The following GRIN2B variants were observed in gnomAD, a reference collection of about 807,000 sequenced individuals.
The protein encoded by GRIN2B is glutamate ionotropic receptor NMDA type subunit 2B, also known as glutamate receptor ionotropic, NMDA 2B.
Under a neutral mutation model 114.5 loss-of-function variants are expected in GRIN2B, and 5 were observed. That is an observed-to-expected ratio of 0.04 (90% CI 0.02 to 0.09). GRIN2B has a LOEUF of 0.09. Ranked by LOEUF, GRIN2B falls within the 10% of genes least tolerant of loss-of-function variation. The pLI is 1.00. For synonymous variants in GRIN2B, 787 were observed against 745.1 expected (o/e 1.06, Z -0.92); for missense variants, 1,108 against 1,943.5 (o/e 0.57, Z 8.08).
chr12:13,765,783 G>C (rs554158668), intron 3 of GRIN2B, among the ~76,000 whole-genome samples: 6 of 152,196 alleles, frequency 3.9e-5, no homozygotes, highest in Non-Finnish European at 7.3e-5. Flanking sequence ...GAGACATGAA[G>C]GGTCTTGCCC....
At chr12:13,727,926 C>T (rs1418323742) in intron 4 of GRIN2B, among the ~76,000 whole-genome samples, 1 of 152,206 alleles carries the variant, frequency 6.6e-6, no homozygotes, top group Non-Finnish European at 1.5e-5. Flanking sequence ...TGCACCCCTT[C>T]TCCTGGGCAT....
chr12:13,589,167 A>G (rs1185185676), intron 10 of GRIN2B, among the ~76,000 whole-genome samples: 1 of 152,254 alleles, frequency 6.6e-6, no homozygotes, highest in Non-Finnish European at 1.5e-5. Flanking sequence ...TTAACTAGTA[A>G]CTATTCAATA....
intron 3 of GRIN2B, among the ~76,000 whole-genome samples, chr12:13,794,794 CA>C (rs1225319172): frequency 6.6e-6 from 1 of 152,252 alleles, no homozygotes; most frequent in African/African-American, 2.4e-5. Flanking sequence ...TCAGCCATGA[CA>C]ATCTAATTCA....
chr12:13,640,369 A>C (rs1426506944), intron 5 of GRIN2B, among the ~76,000 whole-genome samples: 1 of 152,196 alleles, frequency 6.6e-6, no homozygotes, highest in African/African-American at 2.4e-5. Flanking sequence ...TAGGACGTTC[A>C]TAAGTGATAG....
At chr12:13,846,733 T>C (rs1010288052) in intron 3 of GRIN2B, among the ~76,000 whole-genome samples, 4 of 152,116 alleles carry the variant, frequency 2.6e-5, no homozygotes, top group Non-Finnish European at 2.9e-5. Flanking sequence ...AGGAAACATA[T>C]TTGCGAAGGC....
chr12:13,678,201 A>G (rs1324762131), intron 4 of GRIN2B, among the ~76,000 whole-genome samples: 2 of 152,200 alleles, frequency 1.3e-5, no homozygotes, highest in Non-Finnish European at 2.9e-5. Flanking sequence ...GTTTAGGTGA[A>G]CATTGCTAAG....
intron 2 of GRIN2B, among the ~76,000 whole-genome samples, chr12:13,961,271 A>C (rs1170627110): frequency 3.3e-5 from 5 of 152,114 alleles, no homozygotes; most frequent in Non-Finnish European, 7.3e-5. Context: ...AGAGAATTCC[A>C]CACTGAGAGG....
chr12:13,575,917 G>C (rs137961059), intron 10 of GRIN2B, among the ~76,000 whole-genome samples: 1 of 152,166 alleles, frequency 6.6e-6, no homozygotes. Context: ...ACATGATGGA[G>C]TCTTAAAATT....
intron 4 of GRIN2B, among the ~76,000 whole-genome samples, chr12:13,697,473 C>T (rs1950272031): frequency 6.6e-6 from 1 of 152,102 alleles, no homozygotes; most frequent in African/African-American, 2.4e-5. Flanking sequence ...ATTCTTATCC[C>T]CTGTTCTCTC....
intron 3 of GRIN2B, among the ~76,000 whole-genome samples, chr12:13,792,181 C>A (rs540116795): frequency 6.6e-6 from 1 of 152,380 alleles, no homozygotes; most frequent in South Asian, 2.1e-4. Flanking sequence ...CATGCCCCAG[C>A]TTAAGCCAGT....
chr12:13,568,519 C>T (rs1433350165), intron 12 of GRIN2B, among the ~76,000 whole-genome samples: 2 of 152,214 alleles, frequency 1.3e-5, no homozygotes, highest in African/African-American at 2.4e-5. Context: ...AAAACATCCT[C>T]CTGTTTCCAA....
At chr12:13,888,583 A>T (rs925977453) in intron 2 of GRIN2B, among the ~76,000 whole-genome samples, 1 of 151,748 alleles carries the variant, frequency 6.6e-6, no homozygotes, top group African/African-American at 2.4e-5. Context: ...AAAATACAAA[A>T]ATTAGCCGGG....
intron 2 of GRIN2B, among the ~76,000 whole-genome samples, chr12:13,905,621 T>C (rs150437388): frequency 7.2e-5 from 11 of 152,244 alleles, no homozygotes; most frequent in East Asian, 5.8e-4. Flanking sequence ...GGGGAGGTGG[T>C]TCCCGGCAGT....
chr12:13,687,959 T>G (rs1484791667), intron 4 of GRIN2B, among the ~76,000 whole-genome samples: 2 of 152,204 alleles, frequency 1.3e-5, no homozygotes, highest in African/African-American at 4.8e-5. Flanking sequence ...GCTGCTCAAT[T>G]TTTTAAAAAA....
chr12:13,736,639 C>A (rs4764031), intron 4 of GRIN2B, among the ~76,000 whole-genome samples: 104,637 of 152,074 alleles, frequency 0.69, 36,691 homozygotes, highest in African/African-American at 0.81. Flanking sequence ...CTCACTTACA[C>A]TATCAGTCAT....
At chr12:13,747,218 G>A (rs1565522380) in intron 4 of GRIN2B, among the ~76,000 whole-genome samples, 1 of 152,222 alleles carries the variant, frequency 6.6e-6, no homozygotes, top group Non-Finnish European at 1.5e-5. Context: ...AAAGAATACT[G>A]TAGGGGGTCT....
chr12:13,690,951 GAGATGAGGAGGTCTTTTA>G (rs1364767896), intron 4 of GRIN2B, among the ~76,000 whole-genome samples: 2 of 152,148 alleles, frequency 1.3e-5, no homozygotes, highest in Non-Finnish European at 2.9e-5. Flanking sequence ...TTATAACATT[GAGATGAGGAGGTCTTTTA>G]AGAGAAACTA....
At chr12:13,833,020 G>A (rs916042133) in intron 3 of GRIN2B, among the ~76,000 whole-genome samples, 8 of 152,098 alleles carry the variant, frequency 5.3e-5, no homozygotes, top group African/African-American at 1.7e-4. Context: ...GGAACAAAGC[G>A]GATCATGTAA....
rs960717487 is a variant in GRIN2B at position 13,921,161 on chromosome 12, C to G, written c.-18-54935G>C. Reference sequence around the variant, plus strand: ...CCTGTAATCCCAGCACTTTGGGAGGCCAAGGCAGGCAGATAATTTGAGGCC... The same window carrying G: ...CCTGTAATCCCAGCACTTTGGGAGGGCAAGGCAGGCAGATAATTTGAGGCC... On this transcript the variant is annotated intron_variant, in intron 2 of 13. Coordinates refer to ENST00000609686, the MANE Select transcript of GRIN2B (RefSeq NM_000834.5). Among the ~76,000 whole-genome samples, 4 of 152,110 alleles carry G rather than the reference C, an allele frequency of 2.6e-5. No individual in the cohort carries two copies. In the East Asian group the frequency reaches 7.7e-4, roughly 29 times the overall value.
Sources: allele counts gnomAD v4.1 joint callset (sites outside exome capture counted in the v4.1 genomes callset), GRCh38; gene constraint gnomAD v4.1.1; transcripts MANE v1.5; gene names NCBI Gene and HGNC (gene_info 2026-07-23, HGNC 2026-07-21).